Variants in NPIPA9 observed in about 807,000 individuals in gnomAD.
NPIPA9 encodes nuclear pore complex-interacting protein family member A9.
At chr16:18,370,374 T>C (rs1900526693) in intron 3 of NPIPA9, among the ~76,000 whole-genome samples, 1 of 113,110 alleles carries the variant, frequency 8.8e-6, no homozygotes, top group Admixed American at 9.6e-5. Context: ...ATTGTTGATA[T>C]TAATTCCATT....
At chr16:18,365,293 A>T (rs867783312) in intron 4 of NPIPA9, among the ~76,000 whole-genome samples, 519 of 90,852 alleles carry the variant, frequency 5.7e-3, no homozygotes, top group Admixed American at 0.02. Flanking sequence ...AAAAAAAAAA[A>T]ATATAGGCCA....
intron 3 of NPIPA9, among the ~76,000 whole-genome samples, chr16:18,371,451 T>TAAAAAAAAAAAAAAAAAAA (rs778066038): frequency 1.8e-5 from 1 of 56,636 alleles, no homozygotes; most frequent in African/African-American, 7.3e-5. Context: ...GACTCTGTCT[T>TAAAAAAAAAAAAAAAAAAA]AAAAAAAAAA....
Position 18,371,495 on chromosome 16 carries a change from C to T in NPIPA9, c.63+1228G>A, listed in dbSNP as rs1326505012. Reference sequence around the variant, plus strand: ...AAAAAAAAGTCATCAAACCAGATGACACAAATGAAATGACATTTCACTTTG... The same window carrying T: ...AAAAAAAAGTCATCAAACCAGATGATACAAATGAAATGACATTTCACTTTG... On this transcript the variant is annotated intron_variant, in intron 3 of 9. Coordinates refer to ENST00000427999, the Ensembl canonical transcript of NPIPA9. Among the ~76,000 whole-genome samples the T allele has an allele frequency of 3.5e-4, 40 of 113,162 alleles. 2 individuals are homozygous for T. Among genetic ancestry groups the T allele is most frequent in the Middle Eastern group, 4.6e-3 (1 of 216 alleles). The allele number at this position is 113,162 out of a possible 152,430, so 74.2% of individuals were successfully genotyped here.
In NPIPA9 at chr16:18,372,113, G is replaced by A. The variant is rs1430920134; in HGVS notation, c.63+610C>T. 2.1e-4 allele frequency: 16 copies of A among 75,038 alleles called. 2 individuals carry two copies. The East Asian group carries it at 4.3e-3, about 20-fold the overall frequency. 4.6% of individuals were successfully genotyped at this position (75,038 alleles called of 1,614,324 possible). On this transcript the variant is annotated intron_variant, in intron 3 of 9. Coordinates refer to ENST00000427999, the Ensembl canonical transcript of NPIPA9. Reference sequence around the variant, plus strand: ...GACCGGGCCCGATCTGAGTTGGGGAGGGGGAGGGGAGGGGGAGGGGAGGGG... The same window carrying A: ...GACCGGGCCCGATCTGAGTTGGGGAAGGGGAGGGGAGGGGGAGGGGAGGGG...
rs1477558106 is a variant in NPIPA9 at position 18,364,872 on chromosome 16, T to C, written c.193-238A>G. Among the ~76,000 whole-genome samples the C allele has an allele frequency of 2.7e-3, 278 of 103,510 alleles. 2 individuals carry two copies. The highest frequency in any genetic ancestry group is 4.1e-3 in the Non-Finnish European group (213 of 51,712). The allele number at this position is 103,510 out of a possible 152,430, so 67.9% of individuals were successfully genotyped here. A position where few individuals can be genotyped will look rare whatever the true frequency, so the allele number is the denominator to read the frequency against. On this transcript the variant is annotated intron_variant, in intron 4 of 9. Transcript: ENST00000427999. ...CAGAGAACCGTTTGAAGCTGGGAGG[T>C]GGAGGTTGCAGTGAGCCGAGATCAC...
chr16:18,375,102 A>G (rs1157077576), intron 1 of NPIPA9, 33 bp from the exon 2 acceptor site: 1 of 713,284 alleles, frequency 1.4e-6, no homozygotes, highest in Non-Finnish European at 2.2e-6. Flanking sequence ...AGCGGGCGGC[A>G]GCTCAGACCT....
At position 18,375,185 on chromosome 16, in the gene NPIPA9, T is replaced by A; in HGVS notation, c.-307-116A>T. ...CCCGGTGCCATCTGACAGAATGTCC[T>A]AGAATGCTAGATATATGGGACATCT... On this transcript the variant is annotated intron_variant, in intron 1 of 9. Coordinates refer to ENST00000427999, the Ensembl canonical transcript of NPIPA9. The A allele has an allele frequency of 3.8e-6, 2 of 531,446 alleles. 1 individual carries two copies. Among genetic ancestry groups the A allele is most frequent in the Non-Finnish European group, 6.6e-6 (2 of 304,794 alleles). 32.9% of individuals were successfully genotyped at this position (531,446 alleles called of 1,614,324 possible).
At position 18,374,519 on chromosome 16, in the gene NPIPA9, C is replaced by A. The variant is rs1309888372; in HGVS notation, c.-70+313G>T. The A allele has an allele frequency of 2.0e-4, 199 of 974,068 alleles. 38 individuals are homozygous for A. Among genetic ancestry groups the A allele is most frequent in the Non-Finnish European group, 2.6e-4 (185 of 702,302 alleles). 60.3% of individuals were successfully genotyped at this position (974,068 alleles called of 1,614,324 possible). On this transcript the variant is annotated intron_variant, in intron 2 of 9. Transcript: ENST00000427999. ...AAGGAGAGACCCAGTAAGTGGGGGT[C>A]ATGCCGCAGATTGCTACCCACAATG... is the stretch of plus-strand genomic sequence containing the variant.
chr16:18,370,246 C>A (rs1900524104), intron 3 of NPIPA9, among the ~76,000 whole-genome samples: 1 of 125,596 alleles, frequency 8.0e-6, no homozygotes, highest in African/African-American at 3.0e-5. Context: ...GCCAAGATCG[C>A]ACCACTGCAC....
At chr16:18,372,246 G>A (rs1367140201) in intron 3 of NPIPA9, among the ~76,000 whole-genome samples, 1 of 1,934 alleles carries the variant, frequency 5.2e-4, no homozygotes, top group African/African-American at 1.8e-3. Context: ...GAAAGGATCC[G>A]GTTCAAATTA....
chr16:18,374,353 G>T (rs1900569436), intron 2 of NPIPA9, among the ~76,000 whole-genome samples: 1 of 49,176 alleles, frequency 2.0e-5, no homozygotes, highest in Non-Finnish European at 4.0e-5. Context: ...ACAATCCCTT[G>T]AACCTGGGAG....
At chr16:18,363,463 CT>C (rs1900470449) in intron 6 of NPIPA9, among the ~76,000 whole-genome samples, 1 of 79,734 alleles carries the variant, frequency 1.3e-5, no homozygotes, top group Admixed American at 1.2e-4. Context: ...CCACTGCACT[CT>C]AGCCTGGGTG....
At chr16:18,375,319 T>C (rs1900592299) in intron 1 of NPIPA9, among the ~76,000 whole-genome samples, 1 of 148,466 alleles carries the variant, frequency 6.7e-6, no homozygotes, top group Non-Finnish European at 1.5e-5. Flanking sequence ...TTTTTTTAGA[T>C]GGAGTCTCGC....
At chr16:18,375,305 T>G (rs1900591582) in intron 1 of NPIPA9, among the ~76,000 whole-genome samples, 2 of 148,316 alleles carry the variant, frequency 1.3e-5, no homozygotes, top group South Asian at 4.3e-4. Flanking sequence ...AATTTCATTT[T>G]TTTTTTTTTT....
rs1409417288 is a variant in NPIPA9, at chr16:18,365,166, C to T, written c.193-532G>A. Among the ~76,000 whole-genome samples the T allele has an allele frequency of 7.8e-5, 6 of 77,372 alleles. No homozygotes were observed. In the East Asian group the frequency reaches 1.5e-3, roughly 20 times the overall value. 50.8% of individuals were successfully genotyped at this position (77,372 alleles called of 152,430 possible). A position where few individuals can be genotyped will look rare whatever the true frequency, so the allele number is the denominator to read the frequency against. On this transcript the variant is annotated intron_variant, in intron 4 of 9. Transcript: ENST00000427999. ...GTGCATGCCTGTAATCCCAGCTAGT[C>T]GGGAGGCTGAGGCAGGAGAATCACT...
chr16:18,365,309 G>T (rs1469939992), intron 4 of NPIPA9, among the ~76,000 whole-genome samples: 24 of 76,246 alleles, frequency 3.1e-4, no homozygotes, highest in South Asian at 1.8e-3. Flanking sequence ...GGCCAGGTGC[G>T]GTAGCTCACG....
intron 3 of NPIPA9, among the ~76,000 whole-genome samples, chr16:18,371,502 G>A (rs62043982): frequency 2.0e-5 from 2 of 98,710 alleles, no homozygotes; most frequent in Non-Finnish European, 2.1e-5. Context: ...TGACACAAAT[G>A]AAATGACATT....
intron 3 of NPIPA9, among the ~76,000 whole-genome samples, chr16:18,369,895 A>G (rs1483043708): frequency 6.9e-6 from 1 of 144,966 alleles, no homozygotes; most frequent in Non-Finnish European, 1.5e-5. Context: ...CTTGGATTAT[A>G]TGAATCTTTG....
At chr16:18,374,449 A>C in intron 2 of NPIPA9, 1 of 373,926 alleles carries the variant, frequency 2.7e-6, no homozygotes, top group Non-Finnish European at 4.7e-6. Context: ...AAAAAAAAAA[A>C]AAAAAAAAAG....
Sources: allele counts gnomAD v4.1 joint callset (sites outside exome capture counted in the v4.1 genomes callset), GRCh38; gene constraint gnomAD v4.1.1; transcripts MANE v1.5; gene names NCBI Gene and HGNC (gene_info 2026-07-23, HGNC 2026-07-21).